CENPP: variants seen among roughly 807,000 people sequenced by gnomAD.
CENPP encodes the protein centromere protein P.
Under a neutral mutation model 35.6 loss-of-function variants are expected in CENPP, and 24 were observed. The ratio of observed to expected loss-of-function variants is 0.67; its 90% CI spans 0.49 to 0.95. The LOEUF (loss-of-function observed/expected upper bound fraction) is 0.95, where lower values mean the gene tolerates loss of function less well. Among genes scored for constraint, CENPP ranks in the 40% least tolerant of loss-of-function variants. The pLI is 0.00. For missense variants in CENPP, 332 were observed against 345.3 expected (o/e 0.96, Z 0.31); for synonymous variants, 120 against 125.5 (o/e 0.96, Z 0.29).
chr9:92,577,521 A>G (rs911082378), intron 5 of CENPP, among the ~76,000 whole-genome samples: 3 of 152,238 alleles, frequency 2.0e-5, no homozygotes, highest in Non-Finnish European at 4.4e-5. Flanking sequence ...ACTGAGCAAT[A>G]TAAGTCAAAA....
intron 5 of CENPP, among the ~76,000 whole-genome samples, chr9:92,480,358 A>G (rs749248223): frequency 1.3e-5 from 2 of 152,214 alleles, no homozygotes; most frequent in Non-Finnish European, 2.9e-5. Flanking sequence ...AGAGGCAGTG[A>G]GCGTCCAGAA....
intron 5 of CENPP, among the ~76,000 whole-genome samples, chr9:92,458,261 G>T (rs1266028145): frequency 2.0e-5 from 3 of 151,998 alleles, no homozygotes; most frequent in Non-Finnish European, 4.4e-5. Flanking sequence ...GGCCTTTTTT[G>T]GTAACAGTGA....
intron 5 of CENPP, among the ~76,000 whole-genome samples, chr9:92,548,846 G>T (rs2131322667): frequency 6.6e-6 from 1 of 152,210 alleles, no homozygotes; most frequent in East Asian, 1.9e-4. Context: ...CAAAATCCTA[G>T]CAGTTCACTT....
At chr9:92,333,785 T>G (rs1840833415) in intron 2 of CENPP, among the ~76,000 whole-genome samples, 3 of 152,168 alleles carry the variant, frequency 2.0e-5, no homozygotes, top group Admixed American at 6.6e-5. Context: ...TGGAGTGCAG[T>G]GGCGTAATCA....
At chr9:92,450,969 T>G (rs1030008719) in intron 5 of CENPP, among the ~76,000 whole-genome samples, 21 of 152,254 alleles carry the variant, frequency 1.4e-4, no homozygotes, top group East Asian at 3.9e-4. Flanking sequence ...TAAATTTGTT[T>G]GAGTTCATTG....
chr9:92,611,559 C>T (rs912464897), intron 6 of CENPP, among the ~76,000 whole-genome samples, 166 bp downstream of exon 6: 1 of 152,006 alleles, frequency 6.6e-6, no homozygotes, highest in African/African-American at 2.4e-5. Context: ...TATGGGGGTG[C>T]GGGGAGCTGG....
At chr9:92,401,373 A>G (rs1311017322) in intron 5 of CENPP, among the ~76,000 whole-genome samples, 1 of 152,098 alleles carries the variant, frequency 6.6e-6, no homozygotes, top group African/African-American at 2.4e-5. Context: ...GCTTGTTTTT[A>G]TTCTAGACTA....
At chr9:92,606,774 C>T (rs1282839980) in intron 5 of CENPP, among the ~76,000 whole-genome samples, 1 of 151,956 alleles carries the variant, frequency 6.6e-6, no homozygotes, top group Non-Finnish European at 1.5e-5. Flanking sequence ...TGTGGTGGCA[C>T]GCGTCTGTAG....
At chr9:92,574,741 C>A (rs939297999) in intron 5 of CENPP, among the ~76,000 whole-genome samples, 2 of 152,186 alleles carry the variant, frequency 1.3e-5, no homozygotes, top group Non-Finnish European at 2.9e-5. Flanking sequence ...CACATGGAAT[C>A]TCAAGGGACC....
At chr9:92,460,572 TAAG>T in intron 5 of CENPP, 1 of 1,491,610 alleles carries the variant, frequency 6.7e-7, no homozygotes, top group South Asian at 1.1e-5. Flanking sequence ...GTAAGCCTAA[TAAG>T]AAGAGAAATA....
At chr9:92,565,293 TAAAAAAAAAAAA>T (rs3078380) in intron 5 of CENPP, among the ~76,000 whole-genome samples, 454 of 33,166 alleles carry the variant, frequency 0.014, 3 homozygotes, top group Admixed American at 0.022. Flanking sequence ...GCTGATGAGC[TAAAAAAAAAAAA>T]AAAAAAAAAA....
At chr9:92,457,782 A>T (rs1220339643) in intron 5 of CENPP, among the ~76,000 whole-genome samples, 1 of 152,216 alleles carries the variant, frequency 6.6e-6, no homozygotes, top group Non-Finnish European at 1.5e-5. Flanking sequence ...AGATAGATAC[A>T]TACATACGTA....
At chr9:92,609,231 T>C (rs988935644) in intron 5 of CENPP, among the ~76,000 whole-genome samples, 5 of 152,228 alleles carry the variant, frequency 3.3e-5, no homozygotes, top group African/African-American at 1.2e-4. Context: ...CGATGCACCC[T>C]TGCCATGCTG....
At chr9:92,383,837 T>C (rs1294412713) in intron 5 of CENPP, 1 of 152,166 alleles carries the variant, frequency 6.6e-6, no homozygotes, top group Admixed American at 6.5e-5. Context: ...TATTTGATGG[T>C]GTTTTGCTCC....
chr9:92,376,482 A>G (rs558268549), intron 4 of CENPP, among the ~76,000 whole-genome samples: 14 of 152,180 alleles, frequency 9.2e-5, no homozygotes, highest in Non-Finnish European at 1.9e-4. Flanking sequence ...AGGTGAAAGA[A>G]GGAGAGGAGC....
At chr9:92,554,608 T>C in intron 5 of CENPP, among the ~76,000 whole-genome samples, 1 of 152,188 alleles carries the variant, frequency 6.6e-6, no homozygotes, top group East Asian at 1.9e-4. Flanking sequence ...TGTTGTTGGA[T>C]TCTATTAGCT....
intron 5 of CENPP, among the ~76,000 whole-genome samples, chr9:92,491,994 C>G (rs1846184813): frequency 6.6e-6 from 1 of 152,206 alleles, no homozygotes; most frequent in South Asian, 2.1e-4. Flanking sequence ...GTCCCTCCAT[C>G]TGCTTCCCTC....
intron 5 of CENPP, among the ~76,000 whole-genome samples, chr9:92,602,664 A>G (rs1850953320): frequency 6.6e-6 from 1 of 152,136 alleles, no homozygotes; most frequent in African/African-American, 2.4e-5. Context: ...TTTTGGTCAC[A>G]TAGGAGATCT....
chr9:92,517,765 C>T, intron 5 of CENPP: 1 of 1,614,202 alleles, frequency 6.2e-7, no homozygotes, highest in Non-Finnish European at 8.5e-7. Context: ...CACATGGTTT[C>T]ATCACAAAGA....
Sources: allele counts gnomAD v4.1 joint callset (sites outside exome capture counted in the v4.1 genomes callset), GRCh38; gene constraint gnomAD v4.1.1; transcripts MANE v1.5; gene names NCBI Gene and HGNC (gene_info 2026-07-23, HGNC 2026-07-21).